The following DGKB variants were observed in gnomAD, a reference collection of about 807,000 sequenced individuals.
DGKB encodes the protein diacylglycerol kinase beta.
In DGKB, 67 loss-of-function variants were observed where a neutral mutation model predicts 114.3. The observed-to-expected ratio is 0.59, with a 90% CI of 0.48 to 0.72. The LOEUF (loss-of-function observed/expected upper bound fraction) is 0.72. Among genes scored for constraint, DGKB ranks in the 30% least tolerant of loss-of-function variants. DGKB has a pLI of 0.00. For synonymous variants in DGKB, 398 were observed against 323.1 expected (o/e 1.23, Z -2.49); for missense variants, 907 against 975.2 (o/e 0.93, Z 0.93).
At chr7:14,889,152 A>G (rs1026048174) in intron 1 of DGKB, among the ~76,000 whole-genome samples, 3 of 151,676 alleles carry the variant, frequency 2.0e-5, no homozygotes, top group Admixed American at 6.6e-5. Context: ...TTGATTTACT[A>G]TCATATCAGC....
At chr7:14,312,708 T>A (rs1224868523) in intron 23 of DGKB, among the ~76,000 whole-genome samples, 1 of 152,202 alleles carries the variant, frequency 6.6e-6, no homozygotes, top group Non-Finnish European at 1.5e-5. Flanking sequence ...ATGGTAAAAT[T>A]ATGGTTATTC....
chr7:14,571,965 A>G (rs1396197372), intron 20 of DGKB, among the ~76,000 whole-genome samples: 1 of 152,154 alleles, frequency 6.6e-6, no homozygotes, highest in East Asian at 1.9e-4. Flanking sequence ...AGAATTAAAG[A>G]TATAAACAAT....
chr7:14,686,470 T>C (rs956836913), intron 9 of DGKB, among the ~76,000 whole-genome samples: 1 of 152,182 alleles, frequency 6.6e-6, no homozygotes, highest in East Asian at 1.9e-4. Context: ...GCCATAACTT[T>C]CCAGGTTGTC....
At chr7:14,220,382 T>G (rs969666363) in intron 23 of DGKB, among the ~76,000 whole-genome samples, 1 of 151,498 alleles carries the variant, frequency 6.6e-6, no homozygotes, top group Admixed American at 6.6e-5. Flanking sequence ...TGAAGACTAT[T>G]GTCTCCATTA....
intron 23 of DGKB, among the ~76,000 whole-genome samples, chr7:14,200,578 A>G (rs757720329): frequency 1.4e-4 from 21 of 152,028 alleles, no homozygotes; most frequent in Non-Finnish European, 2.4e-4. Flanking sequence ...TTTCTTATAC[A>G]TATTGTTTCA....
At chr7:14,638,270 C>G (rs972417060) in intron 13 of DGKB, among the ~76,000 whole-genome samples, 1 of 152,080 alleles carries the variant, frequency 6.6e-6, no homozygotes, top group Non-Finnish European at 1.5e-5. Context: ...GCTGCAAGAG[C>G]CATTCCGGAA....
intron 5 of DGKB, among the ~76,000 whole-genome samples, chr7:14,735,190 T>C (rs1831530023): frequency 1.3e-5 from 2 of 152,324 alleles, no homozygotes. Context: ...TCTGAGTTCC[T>C]GGGCTATAGA....
Position 14,460,456 on chromosome 7 carries a change from T to C in DGKB, c.1835+17705A>G, listed in dbSNP as rs376991326. On this transcript the variant is annotated intron_variant, in intron 21 of 25. Coordinates refer to ENST00000402815, the MANE Select transcript of DGKB (RefSeq NM_001350709.2). Reference sequence around the variant, plus strand: ...AAAAAAAAACCAGGGATTGCAATCCTAGTCTCTGATAAAACAGACTTTAAA... The same window carrying C: ...AAAAAAAAACCAGGGATTGCAATCCCAGTCTCTGATAAAACAGACTTTAAA... Among the ~76,000 whole-genome samples, 98 of 150,354 alleles carry C rather than the reference T, an allele frequency of 6.5e-4. 1 individual carries two copies. The highest frequency in any genetic ancestry group is 2.4e-3 in the African/African-American group (97 of 41,086).
chr7:14,801,078 T>G (rs1275495020), intron 2 of DGKB, among the ~76,000 whole-genome samples: 1 of 152,200 alleles, frequency 6.6e-6, no homozygotes, highest in Admixed American at 6.5e-5. Context: ...AATAAGTGTA[T>G]GTGCATGTGC....
chr7:14,386,829 G>A (rs772287626), intron 21 of DGKB, among the ~76,000 whole-genome samples: 1 of 152,006 alleles, frequency 6.6e-6, no homozygotes, highest in Non-Finnish European at 1.5e-5. Context: ...AAAAAGGAAA[G>A]AGAAACATTA....
At chr7:14,468,800 T>C (rs1465082657) in intron 21 of DGKB, among the ~76,000 whole-genome samples, 1 of 152,040 alleles carries the variant, frequency 6.6e-6, no homozygotes, top group Non-Finnish European at 1.5e-5. Context: ...TCTGAATTAA[T>C]TACTGTTACT....
intron 20 of DGKB, among the ~76,000 whole-genome samples, chr7:14,544,275 A>T (rs1169369399): frequency 6.6e-6 from 1 of 152,180 alleles, no homozygotes; most frequent in African/African-American, 2.4e-5. Context: ...TGGAAATATG[A>T]ACTGACTAAG....
intron 17 of DGKB, among the ~76,000 whole-genome samples, chr7:14,594,497 C>T (rs1802223441): frequency 6.6e-6 from 1 of 152,070 alleles, no homozygotes; most frequent in Non-Finnish European, 1.5e-5. Context: ...GTTACACAGT[C>T]TTCCTGATAT....
chr7:14,778,991 A>C (rs778579005), intron 2 of DGKB, among the ~76,000 whole-genome samples: 1 of 152,086 alleles, frequency 6.6e-6, no homozygotes, highest in South Asian at 2.1e-4. Flanking sequence ...CCCCACCTCT[A>C]CTAAAACTAC....
chr7:14,643,850 T>A (rs1044382907), intron 13 of DGKB, among the ~76,000 whole-genome samples: 1 of 152,120 alleles, frequency 6.6e-6, no homozygotes, highest in Admixed American at 6.5e-5. Context: ...GAGGCCATCC[T>A]CCTCAGGAAT....
chr7:14,550,784 T>A (rs73057467), intron 20 of DGKB, among the ~76,000 whole-genome samples: 4 of 152,160 alleles, frequency 2.6e-5, no homozygotes, highest in Middle Eastern at 3.4e-3. Context: ...TCAAACCAAA[T>A]ATAAATCAAA....
At chr7:14,610,125 A>G (rs7802205) in intron 16 of DGKB, among the ~76,000 whole-genome samples, 9,736 of 152,148 alleles carry the variant, frequency 0.064, 1,048 homozygotes, top group African/African-American at 0.22. Context: ...CAACCTAGGT[A>G]TCCATCAATG....
intron 1 of DGKB, among the ~76,000 whole-genome samples, chr7:14,868,703 C>A (rs1852035430): frequency 6.6e-6 from 1 of 152,066 alleles, no homozygotes; most frequent in Non-Finnish European, 1.5e-5. Flanking sequence ...TCAATTTCTC[C>A]AATTTTCCAC....
rs1411938279 is a variant in DGKB, at chr7:14,243,954, C to CTCTAAA, written c.2123-65809_2123-65804dup. Among the ~76,000 whole-genome samples, 3 of 152,130 alleles carry CTCTAAA rather than the reference C, an allele frequency of 2.0e-5. No homozygotes were observed. The South Asian group carries it at 6.2e-4, about 32-fold the overall frequency. On this transcript the variant is annotated intron_variant, in intron 23 of 25. Coordinates refer to ENST00000402815, the MANE Select transcript of DGKB (RefSeq NM_001350709.2). ...TGAGTAAAATGAAGGAGTGGAAGACCTCTAAATCTAAATCTAAATTTCTCT... is the reference window on the plus strand; with the variant it reads ...TGAGTAAAATGAAGGAGTGGAAGACCTCTAAATCTAAATCTAAATCTAAATTTCTCT...
Sources: gnomAD v4.1 joint callset for allele counts (sites outside exome capture counted in the v4.1 genomes callset) on GRCh38, gnomAD v4.1.1 for gene constraint, MANE v1.5 for transcripts, NCBI Gene and HGNC (gene_info 2026-07-23, HGNC 2026-07-21) for gene names.